ZFHX3: variants seen among roughly 807,000 people sequenced by gnomAD.
ZFHX3 encodes the protein zinc finger homeobox protein 3.
ZFHX3 carries 42 observed loss-of-function variants against 279.1 expected under a neutral mutation model. That is an observed-to-expected ratio of 0.15 (90% CI 0.12 to 0.19). ZFHX3 has a LOEUF of 0.19. Among genes scored for constraint, ZFHX3 ranks in the 10% least tolerant of loss-of-function variants. The pLI, the probability that ZFHX3 is intolerant of heterozygous loss-of-function variation, is 1.00. For synonymous variants in ZFHX3, 2,293 were observed against 1,957.8 expected (o/e 1.17, Z -4.52); for missense variants, 4,981 against 4,754.0 (o/e 1.05, Z -1.40).
In ZFHX3 at chr16:73,502,683, G is replaced by T. The variant is rs535248699; in HGVS notation, c.-1546-46425C>A. Among the ~76,000 whole-genome samples, 4 of 152,328 alleles carry T rather than the reference G, an allele frequency of 2.6e-5. No homozygotes were observed. In the East Asian group the frequency reaches 7.7e-4, roughly 29 times the overall value. ...ACCCAGTCTTGGACTCAGTGGATGT[G>T]CTGGGGTGGGAGCAATGGATATCAG... is the stretch of plus-strand genomic sequence containing the variant. On this transcript the variant is annotated intron_variant, in intron 2 of 17. Transcript: ENST00000641206.
intron 1 of ZFHX3, among the ~76,000 whole-genome samples, chr16:73,880,589 T>G (rs1197984020): frequency 2.0e-5 from 3 of 152,170 alleles, no homozygotes; most frequent in Non-Finnish European, 1.5e-5. Context: ...AAAATTGTAG[T>G]GAAGTTCAGG....
intron 6 of ZFHX3, among the ~76,000 whole-genome samples, chr16:73,141,544 T>C (rs1411406317): frequency 6.6e-6 from 1 of 152,082 alleles, no homozygotes; most frequent in African/African-American, 2.4e-5. Context: ...ACTACAGCTG[T>C]GCTCCACCGT....
At chr16:73,009,545 T>G (rs985643322) in intron 1 of ZFHX3, among the ~76,000 whole-genome samples, 7 of 151,952 alleles carry the variant, frequency 4.6e-5, no homozygotes, top group African/African-American at 1.7e-4. Context: ...AAATAGAAAA[T>G]GTAATCATAT....
At chr16:73,369,551 C>T (rs2016586755) in intron 3 of ZFHX3, among the ~76,000 whole-genome samples, 1 of 152,128 alleles carries the variant, frequency 6.6e-6, no homozygotes. Flanking sequence ...CCATTCCTGC[C>T]TCACAGGTTA....
intron 1 of ZFHX3, among the ~76,000 whole-genome samples, chr16:73,813,599 G>A (rs1470908336): frequency 6.6e-6 from 1 of 152,224 alleles, no homozygotes; most frequent in African/African-American, 2.4e-5. Context: ...TTTCCCACTC[G>A]TAGTAGGATT....
At chr16:73,131,108 G>T in intron 6 of ZFHX3, 1 of 608,922 alleles carries the variant, frequency 1.6e-6, no homozygotes, top group Non-Finnish European at 2.8e-6. Context: ...TAAAGTGGGA[G>T]TAATAATAGG....
Position 73,415,586 on chromosome 16 carries a change from A to T in ZFHX3, c.-1291+40417T>A, listed in dbSNP as rs146538031. ...TCCTCAAACCTTAGCATTCCCTCCA[A>T]TGTATTTCTCCGTGTGGAAAGTATT... On this transcript the variant is annotated intron_variant, in intron 3 of 17. Transcript: ENST00000641206. Among the ~76,000 whole-genome samples, 18 of 152,294 alleles carry T rather than the reference A, an allele frequency of 1.2e-4. No individual in the cohort carries two copies. In the East Asian group the frequency reaches 3.3e-3, roughly 28 times the overall value.
At chr16:73,315,501 C>G (rs1416504524) in intron 4 of ZFHX3, among the ~76,000 whole-genome samples, 1 of 152,012 alleles carries the variant, frequency 6.6e-6, no homozygotes, top group Non-Finnish European at 1.5e-5. Flanking sequence ...TTGGACCATC[C>G]AAAGCCATCC....
rs76597522 is a variant in ZFHX3, at chr16:73,407,920, C to T, written c.-1291+48083G>A. The stretch of plus-strand genomic sequence containing the variant: ...TGGCTTTTATCAATTCCTACCCCAA[C>T]CTCTGATTCCTACAGGCTGGGGAAA... On this transcript the variant is annotated intron_variant, in intron 3 of 17. Coordinates refer to the ZFHX3 transcript ENST00000641206. Among the ~76,000 whole-genome samples, 1,077 of 152,190 alleles carry T rather than the reference C, an allele frequency of 7.1e-3. 12 individuals are homozygous for T. The highest frequency in any genetic ancestry group is 0.025 in the African/African-American group (1,028 of 41,512).
At chr16:73,290,750 T>C (rs8044042) in intron 4 of ZFHX3, among the ~76,000 whole-genome samples, 1 of 150,442 alleles carries the variant, frequency 6.6e-6, no homozygotes, top group Non-Finnish European at 1.5e-5. Context: ...AAAGAGCCAC[T>C]AAGGTGCTTC....
At chr16:73,875,546 T>A (rs1182862996) in intron 1 of ZFHX3, among the ~76,000 whole-genome samples, 1 of 152,186 alleles carries the variant, frequency 6.6e-6, no homozygotes, top group Admixed American at 6.5e-5. Flanking sequence ...TTTACCAGTA[T>A]TCAAAAAATA....
chr16:73,376,974 CT>C (rs11399068), intron 3 of ZFHX3, among the ~76,000 whole-genome samples: 68 of 139,652 alleles, frequency 4.9e-4, no homozygotes, highest in South Asian at 1.1e-3. Flanking sequence ...ATCATGACTG[CT>C]TTTTTTTTTT....
chr16:73,224,478 G>T (rs984073447), intron 5 of ZFHX3, among the ~76,000 whole-genome samples: 1 of 152,192 alleles, frequency 6.6e-6, no homozygotes, highest in African/African-American at 2.4e-5. Context: ...GACAAATCAT[G>T]AAAAGCAGAT....
intron 3 of ZFHX3, among the ~76,000 whole-genome samples, chr16:73,363,981 T>C (rs1356827011): frequency 6.6e-6 from 1 of 152,080 alleles, no homozygotes; most frequent in Non-Finnish European, 1.5e-5. Flanking sequence ...GAGACCAGCC[T>C]TGCCAATATG....
intron 1 of ZFHX3, among the ~76,000 whole-genome samples, chr16:73,717,751 T>C (rs2053430408): frequency 6.6e-6 from 1 of 152,164 alleles, no homozygotes; most frequent in Admixed American, 6.5e-5. Flanking sequence ...TGGCTCTAGA[T>C]CTCATTCCCA....
chr16:72,916,291 T>TG (rs1260600406), intron 3 of ZFHX3, among the ~76,000 whole-genome samples: 1 of 152,228 alleles, frequency 6.6e-6, no homozygotes, highest in East Asian at 1.9e-4. Context: ...TTGTATCTCA[T>TG]GATATGCTTG....
At chr16:73,150,944 C>T (rs937512263) in intron 5 of ZFHX3, among the ~76,000 whole-genome samples, 8 of 152,056 alleles carry the variant, frequency 5.3e-5, no homozygotes, top group Non-Finnish European at 8.8e-5. Context: ...GTGTTGAAAC[C>T]GGCATCACTC....
At chr16:73,473,524 G>T (rs971443390) in intron 2 of ZFHX3, among the ~76,000 whole-genome samples, 1 of 151,978 alleles carries the variant, frequency 6.6e-6, no homozygotes, top group Non-Finnish European at 1.5e-5. Flanking sequence ...ATGTTTGATC[G>T]ACTCATTCGA....
intron 1 of ZFHX3, among the ~76,000 whole-genome samples, chr16:73,818,297 G>A (rs141472560): frequency 2.1e-3 from 313 of 152,298 alleles, no homozygotes; most frequent in Non-Finnish European, 3.6e-3. Context: ...GGGGGAAAAA[G>A]GGAAAACCTG....
Sources: gnomAD v4.1 joint callset for allele counts (sites outside exome capture counted in the v4.1 genomes callset) on GRCh38, gnomAD v4.1.1 for gene constraint, MANE v1.5 for transcripts, NCBI Gene and HGNC (gene_info 2026-07-23, HGNC 2026-07-21) for gene names.